Variants in MYH9 observed in about 807,000 individuals in gnomAD.
MYH9 encodes myosin-9.
Under a neutral mutation model 241.9 loss-of-function variants are expected in MYH9, and 29 were observed. The ratio of observed to expected loss-of-function variants is 0.12; its 90% CI spans 0.09 to 0.16. The LOEUF is 0.16. Ranked by LOEUF, MYH9 falls within the 10% of genes least tolerant of loss-of-function variation. The pLI is 1.00. For missense variants in MYH9, 1,803 were observed against 2,595.5 expected (o/e 0.69, Z 6.63); for synonymous variants, 1,047 against 1,062.6 (o/e 0.99, Z 0.29).
At chr22:36,283,011 T>G (rs898665841) in intron 40 of MYH9, among the ~76,000 whole-genome samples, 19 of 152,050 alleles carry the variant, frequency 1.2e-4, no homozygotes, top group African/African-American at 4.6e-4. Flanking sequence ...GTCGGACATC[T>G]TCACACACAA....
At chr22:36,297,077 C>T (rs1158348391) in intron 24 of MYH9, 63 bp from the exon 25 acceptor site, 1 of 1,574,584 alleles carries the variant, frequency 6.4e-7, no homozygotes, top group East Asian at 2.2e-5. Context: ...GTGTCAATTA[C>T]TTATACAAAA....
At chr22:36,337,177 T>C (rs1373346614) in intron 3 of MYH9, among the ~76,000 whole-genome samples, 2 of 152,184 alleles carry the variant, frequency 1.3e-5, no homozygotes, top group Non-Finnish European at 2.9e-5. Flanking sequence ...GGAAACTTGA[T>C]GGCAATGTCT....
intron 31 of MYH9, among the ~76,000 whole-genome samples, chr22:36,291,683 T>TAAAAAAAAAAAAAAA (rs66686435): frequency 3.6e-4 from 31 of 86,880 alleles, no homozygotes; most frequent in East Asian, 1.6e-3. Flanking sequence ...ATAAAAAAAT[T>TAAAAAAAAAAAAAAA]AAAAAAAAAA....
chr22:36,383,418 G>C (rs891832996), intron 1 of MYH9, among the ~76,000 whole-genome samples: 6 of 152,128 alleles, frequency 3.9e-5, no homozygotes, highest in Admixed American at 3.9e-4. Context: ...CCTGTGAAGA[G>C]GTTACTCAGC....
intron 1 of MYH9, among the ~76,000 whole-genome samples, chr22:36,381,729 G>C (rs968833103): frequency 1.3e-5 from 2 of 152,102 alleles, no homozygotes; most frequent in African/African-American, 4.8e-5. Flanking sequence ...AGCTTGGAGA[G>C]CACACCCTAT....
At chr22:36,375,283 C>G (rs2018148632) in intron 1 of MYH9, among the ~76,000 whole-genome samples, 1 of 151,974 alleles carries the variant, frequency 6.6e-6, no homozygotes, top group Non-Finnish European at 1.5e-5. Flanking sequence ...CAGACAGGCA[C>G]AGCAGTGCCT....
chr22:36,309,174 CA>C, intron 15 of MYH9, 107 bp downstream of exon 15: 1 of 943,718 alleles, frequency 1.1e-6, no homozygotes, highest in South Asian at 1.4e-5. Context: ...TGGCCTATGT[CA>C]GGGGGCACAT....
At position 36,285,145 on chromosome 22, in the gene MYH9, T is replaced by A. The variant is rs1880999374; in HGVS notation, c.5459A>T (p.Glu1820Val). 6.2e-7 allele frequency: 1 copy of A among 1,614,124 alleles called. No homozygotes were observed. Among genetic ancestry groups the A allele is most frequent in the Non-Finnish European group, 8.5e-7 (1 of 1,180,024 alleles). The change falls in exon 38 of 41, where the codon GAG becomes GTG. Residue 1820 changes from glutamate (E) to valine (V), a missense_variant. Physicochemically the swap from Glu to Val is moderately radical, Grantham distance 121 (BLOSUM62 -2). Transcript: ENST00000216181. This position sits in a 1 kb window ranked among gnomAD's most constrained non-coding sequence, Gnocchi z 7.0. ...TALEAKIAQL[E>V]EQLDNETKER... ...CTTGGTCTCGTTGTCCAGCTGCTCCTCCAGCTGTGCAATCTTGGCCTCGAG... is the reference window on the plus strand; with the variant it reads ...CTTGGTCTCGTTGTCCAGCTGCTCCACCAGCTGTGCAATCTTGGCCTCGAG...
chr22:36,337,668 A>G lies in MYH9; in HGVS notation c.490+3702T>C, dbSNP rs915649713. Among the ~76,000 whole-genome samples, 19 of 152,226 alleles carry G rather than the reference A, an allele frequency of 1.2e-4. No homozygotes were observed. In the East Asian group the frequency reaches 3.5e-3, roughly 28 times the overall value. On this transcript the variant is annotated intron_variant, in intron 3 of 40. Transcript: ENST00000216181. ...AGTTCTTGTTTAAAGAAAAAGCACAAAAGGAACTTTCCGGCTGTGCCTTTT... is the reference window on the plus strand; with the variant it reads ...AGTTCTTGTTTAAAGAAAAAGCACAGAAGGAACTTTCCGGCTGTGCCTTTT...
At chr22:36,375,795 G>A (rs145957966) in intron 1 of MYH9, among the ~76,000 whole-genome samples, 4,322 of 152,204 alleles carry the variant, frequency 0.028, 74 homozygotes, top group African/African-American at 0.038. Context: ...GGCCAAGGTG[G>A]GAGGATCACC....
chr22:36,341,277 T>A, intron 3 of MYH9, 93 bp downstream of exon 3: 1 of 1,500,072 alleles, frequency 6.7e-7, no homozygotes, highest in East Asian at 2.3e-5. Context: ...ACTAGATCAA[T>A]GTGGCACCAA....
chr22:36,288,998 C>G lies in MYH9; in HGVS notation c.4558-59G>C. ...GGACTGGCAGGTACCTGGGTCTGCG[C>G]GACCCGGAGTCTGTGCACACACCGA... On this transcript the variant is annotated intron_variant, in intron 32 of 40. Transcript: ENST00000216181. This position sits in a 1 kb window ranked among gnomAD's most constrained non-coding sequence, Gnocchi z 4.8. 3 of 1,612,032 alleles carry G rather than the reference C, an allele frequency of 1.9e-6. No individual in the cohort carries two copies. Among genetic ancestry groups the G allele is most frequent in the Non-Finnish European group, 2.5e-6 (3 of 1,179,258 alleles).
intron 27 of MYH9, 57 bp from the exon 28 acceptor site, chr22:36,294,355 G>A: frequency 6.4e-7 from 1 of 1,573,666 alleles, no homozygotes; most frequent in Non-Finnish European, 8.7e-7. Flanking sequence ...AGGCTGGCTG[G>A]TCTATCATCA....
At chr22:36,310,435 C>T (rs1408198155) in intron 14 of MYH9, among the ~76,000 whole-genome samples, 3 of 152,218 alleles carry the variant, frequency 2.0e-5, no homozygotes, top group African/African-American at 7.2e-5. Context: ...ACAAGTAATA[C>T]AGCATGACAT....
intron 34 of MYH9, among the ~76,000 whole-genome samples, chr22:36,287,316 CAA>C (rs891527245): frequency 1.3e-5 from 2 of 152,178 alleles, no homozygotes; most frequent in African/African-American, 4.8e-5. Context: ...TTCCCCAAAT[CAA>C]AGAGAGTGAC....
chr22:36,338,060 C>T (rs1219877507), intron 3 of MYH9, among the ~76,000 whole-genome samples: 1 of 151,736 alleles, frequency 6.6e-6, no homozygotes, highest in African/African-American at 2.4e-5. Context: ...TCCAATGACA[C>T]GATCTCAGCT....
intron 34 of MYH9, among the ~76,000 whole-genome samples, chr22:36,287,434 T>G (rs2016604294): frequency 6.6e-6 from 1 of 152,182 alleles, no homozygotes; most frequent in African/African-American, 2.4e-5. Context: ...TTTGTGGGTT[T>G]TTTTTTTACA....
chr22:36,329,155 C>T lies in MYH9; in HGVS notation c.491-1667G>A, dbSNP rs1337654531. Among the ~76,000 whole-genome samples, 1 of 152,148 alleles carries T rather than the reference C, an allele frequency of 6.6e-6. No individual in the cohort carries two copies. The highest frequency in any genetic ancestry group is 2.4e-5 in the African/African-American group (1 of 41,428). On this transcript the variant is annotated intron_variant, in intron 3 of 40. Coordinates refer to ENST00000216181, the MANE Select transcript of MYH9 (RefSeq NM_002473.6). This position sits in a 1 kb window ranked among gnomAD's most constrained non-coding sequence, Gnocchi z 4.1. ...CCCCTAAGCATCAACGGGGTGGGGGCGCAGAGGGGCTGGGTCACTCTCATT... is the reference window on the plus strand; with the variant it reads ...CCCCTAAGCATCAACGGGGTGGGGGTGCAGAGGGGCTGGGTCACTCTCATT...
intron 12 of MYH9, among the ~76,000 whole-genome samples, chr22:36,315,327 T>G (rs1299830288): frequency 6.6e-6 from 1 of 152,160 alleles, no homozygotes; most frequent in Admixed American, 6.5e-5. Flanking sequence ...AATAAAGATG[T>G]AATTTTCTCA....
Sources: gnomAD v4.1 joint callset for allele counts (sites outside exome capture counted in the v4.1 genomes callset) on GRCh38, gnomAD v4.1.1 for gene constraint, Gnocchi (gnomAD v3.1) non-coding constraint, MANE v1.5 for transcripts, NCBI Gene and HGNC (gene_info 2026-07-23, HGNC 2026-07-21) for gene names.